Variants in CLSTN1 observed in about 807,000 individuals in gnomAD.
The protein encoded by CLSTN1 is calsyntenin-1.
In CLSTN1, 28 loss-of-function variants were observed where a neutral mutation model predicts 108.3. That is an observed-to-expected ratio of 0.26 (90% CI 0.19 to 0.35). CLSTN1 has a LOEUF of 0.35. Among genes scored for constraint, CLSTN1 ranks in the 10% least tolerant of loss-of-function variants. The probability of loss-of-function intolerance (pLI) is 1.00; values close to 1 mark genes in which losing one functional copy is unlikely to be tolerated. For synonymous variants in CLSTN1, 524 were observed against 534.9 expected (o/e 0.98, Z 0.28); for missense variants, 1,157 against 1,302.6 (o/e 0.89, Z 1.72).
chr1:9,743,370 A>C (rs776607833), intron 9 of CLSTN1, among the ~76,000 whole-genome samples: 1 of 152,180 alleles, frequency 6.6e-6, no homozygotes, highest in Non-Finnish European at 1.5e-5. Context: ...GGAGTTCAAG[A>C]CTAGCCTGGC....
chr1:9,805,498 T>G (rs541890519), intron 1 of CLSTN1, among the ~76,000 whole-genome samples: 1 of 152,318 alleles, frequency 6.6e-6, no homozygotes, highest in South Asian at 2.1e-4. Flanking sequence ...TTAATGAGAT[T>G]AGCAAAAACT....
At chr1:9,735,860 T>C (rs1247799448) in intron 12 of CLSTN1, 25 bp downstream of exon 12, 4 of 1,613,250 alleles carry the variant, frequency 2.5e-6, no homozygotes, top group Admixed American at 1.7e-5. Context: ...CCATGAGTGG[T>C]GTGCAGTCGA....
Position 9,733,455 on chromosome 1 carries a change from C to T in CLSTN1, c.2373G>A (p.Lys791=). 1.2e-6 allele frequency: 2 copies of T among 1,614,204 alleles called. No homozygotes were observed. Among genetic ancestry groups the T allele is most frequent in the South Asian group, 1.1e-5 (1 of 91,086 alleles). ...HARSLLDRKF[K]LICSELNGRY... is the part of the protein sequence containing the mutation. ...GGCCATTCAGCTCTGAGCAGATGAG[C>T]TTAAACTTCCGGTCAAGCAAGGACC... Residue 791 remains lysine (K), a synonymous_variant, in exon 16 of 19, where the codon AAG becomes AAA. Coordinates refer to ENST00000377298, the MANE Select transcript of CLSTN1 (RefSeq NM_001009566.3).
intron 2 of CLSTN1, among the ~76,000 whole-genome samples, chr1:9,762,202 C>T (rs936468860): frequency 1.3e-5 from 2 of 152,196 alleles, no homozygotes; most frequent in Non-Finnish European, 2.9e-5. Flanking sequence ...TGGCCCACAC[C>T]TGTAATCCCA....
rs558335156 is a variant in CLSTN1, at chr1:9,771,133, C to T, written c.214+2139G>A. On this transcript the variant is annotated intron_variant, in intron 2 of 18. Transcript: ENST00000377298. The stretch of plus-strand genomic sequence containing the variant: ...GAGGGAGCAAATACACAAGCCTGGA[C>T]TGCAATCACTTCTTGAAATGCGTAA... Among the ~76,000 whole-genome samples, 6 of 152,336 alleles carry T rather than the reference C, an allele frequency of 3.9e-5. No homozygotes were observed. In the South Asian group the frequency reaches 1.0e-3, roughly 26 times the overall value.
At chr1:9,821,665 G>A (rs999660334) in intron 1 of CLSTN1, among the ~76,000 whole-genome samples, 3 of 152,006 alleles carry the variant, frequency 2.0e-5, no homozygotes, top group Non-Finnish European at 1.5e-5. Flanking sequence ...CTCTTAAAAC[G>A]AGCCCACAGA....
At chr1:9,824,133 A>C (rs1395392919), upstream of CLSTN1, 1 of 140,094 alleles carries the variant, frequency 7.1e-6, no homozygotes, top group Non-Finnish European at 1.6e-5. The surrounding 1 kb of genome is among the most constrained non-coding windows in gnomAD (Gnocchi z 5.0). Context: ...CGCGCGGCGG[A>C]CCCGGCAGCG....
chr1:9,730,397 C>CT lies in CLSTN1; in HGVS notation c.*110dup. On this transcript the variant is annotated 3_prime_UTR_variant, in exon 19 of 19. Coordinates refer to ENST00000377298, the MANE Select transcript of CLSTN1 (RefSeq NM_001009566.3). The surrounding 1 kb of genome is among the most constrained non-coding windows in gnomAD (Gnocchi z 5.6). Reference sequence around the variant, plus strand: ...AGCGACGATCGTGGCGGGGAGGGGTCTGCACACCTACTGGCCGAAATGACT... The same window carrying CT: ...AGCGACGATCGTGGCGGGGAGGGGTCTTGCACACCTACTGGCCGAAATGACT... The CT allele has an allele frequency of 1.0e-6, 1 of 1,000,092 alleles. No homozygotes were observed. The highest frequency in any genetic ancestry group is 1.5e-6 in the Non-Finnish European group (1 of 652,226). 62.0% of individuals were successfully genotyped at this position (1,000,092 alleles called of 1,614,324 possible). A position where few individuals can be genotyped will look rare whatever the true frequency, so the allele number is the denominator to read the frequency against.
intron 2 of CLSTN1, among the ~76,000 whole-genome samples, chr1:9,764,126 G>A (rs1007005481): frequency 4.6e-5 from 7 of 151,748 alleles, no homozygotes; most frequent in Non-Finnish European, 1.0e-4. Context: ...GAGAGAGAGA[G>A]AGAGGGAGAG....
intron 1 of CLSTN1, among the ~76,000 whole-genome samples, chr1:9,802,538 T>G (rs1249023390): frequency 6.6e-6 from 1 of 152,230 alleles, no homozygotes; most frequent in East Asian, 1.9e-4. Context: ...AATTTTATAA[T>G]CTACTTTCCT....
At chr1:9,760,921 T>G (rs2101128010) in intron 2 of CLSTN1, among the ~76,000 whole-genome samples, 2 of 151,976 alleles carry the variant, frequency 1.3e-5, no homozygotes, top group Admixed American at 1.3e-4. Flanking sequence ...TCTCTCAAAC[T>G]CAAACAACCT....
At chr1:9,749,710 G>A (rs902081614) in intron 6 of CLSTN1, 54 bp downstream of exon 6, 23 of 1,610,636 alleles carry the variant, frequency 1.4e-5, no homozygotes, top group East Asian at 4.5e-5. Flanking sequence ...GGTTGCTGCC[G>A]CATACATCAG....
At chr1:9,775,204 C>G (rs1367285976) in intron 1 of CLSTN1, among the ~76,000 whole-genome samples, 1 of 151,994 alleles carries the variant, frequency 6.6e-6, no homozygotes, top group Non-Finnish European at 1.5e-5. Flanking sequence ...ATGCCTTAAC[C>G]TCCTAGGAAT....
chr1:9,775,049 G>A (rs1652869929), intron 1 of CLSTN1, among the ~76,000 whole-genome samples: 1 of 152,116 alleles, frequency 6.6e-6, no homozygotes, highest in Non-Finnish European at 1.5e-5. Context: ...TGTATAATGA[G>A]CAGTGAGGAC....
In CLSTN1 at chr1:9,765,045, C is replaced by A. The variant is rs191310548; in HGVS notation, c.214+8227G>T. The stretch of plus-strand genomic sequence containing the variant: ...CAATGCATTATTGCCTTCGATTAAG[C>A]TGAAGCATGTGAAATGTCATTTTTT... On this transcript the variant is annotated intron_variant, in intron 2 of 18. Transcript: ENST00000377298. Among the ~76,000 whole-genome samples, 98 of 152,204 alleles carry A rather than the reference C, an allele frequency of 6.4e-4. No homozygotes were observed. In the South Asian group the frequency reaches 1.0e-2, roughly 15 times the overall value.
intron 1 of CLSTN1, among the ~76,000 whole-genome samples, chr1:9,799,864 C>T: frequency 6.6e-6 from 1 of 151,776 alleles, no homozygotes; most frequent in Non-Finnish European, 1.5e-5. Flanking sequence ...TCATTTGAAC[C>T]CGGGAGGCGG....
At chr1:9,778,612 A>G (rs1653073153) in intron 1 of CLSTN1, among the ~76,000 whole-genome samples, 2 of 152,144 alleles carry the variant, frequency 1.3e-5, no homozygotes, top group African/African-American at 4.8e-5. Flanking sequence ...TTACAGAGGG[A>G]CTTAATATGA....
At chr1:9,819,304 C>T (rs1655106588) in intron 1 of CLSTN1, among the ~76,000 whole-genome samples, 1 of 151,982 alleles carries the variant, frequency 6.6e-6, no homozygotes, top group East Asian at 1.9e-4. Flanking sequence ...ATAAAAATAA[C>T]TCAGTACTTT....
At position 9,730,846 on chromosome 1, in the gene CLSTN1, C is replaced by T; in HGVS notation, c.2749-141G>A. 2.5e-6 allele frequency: 2 copies of T among 798,594 alleles called. No individual in the cohort carries two copies. Among genetic ancestry groups the T allele is most frequent in the East Asian group, 5.4e-5 (2 of 37,298 alleles). 49.5% of individuals were successfully genotyped at this position (798,594 alleles called of 1,614,324 possible). On this transcript the variant is annotated intron_variant, in intron 18 of 18. Coordinates refer to ENST00000377298, the MANE Select transcript of CLSTN1 (RefSeq NM_001009566.3). This position sits in a 1 kb window ranked among gnomAD's most constrained non-coding sequence, Gnocchi z 5.6. ...CAGCGACAGAGCAGCCAGGACGGCACCGGAAGTTATATTAGAAGTGAAGGG... is the reference window on the plus strand; with the variant it reads ...CAGCGACAGAGCAGCCAGGACGGCATCGGAAGTTATATTAGAAGTGAAGGG...
Sources: gnomAD v4.1 joint callset for allele counts (sites outside exome capture counted in the v4.1 genomes callset) on GRCh38, gnomAD v4.1.1 for gene constraint, Gnocchi (gnomAD v3.1) non-coding constraint, MANE v1.5 for transcripts, NCBI Gene and HGNC (gene_info 2026-07-23, HGNC 2026-07-21) for gene names.